The following TANK variants were observed in gnomAD, a reference collection of about 807,000 sequenced individuals.
TANK encodes TRAF family member associated NFKB activator.
In TANK, 15 loss-of-function variants were observed where a neutral mutation model predicts 43.6. The ratio of observed to expected loss-of-function variants is 0.34; its 90% CI spans 0.23 to 0.53. TANK has a LOEUF of 0.53. Ranked by LOEUF, TANK falls within the 20% of genes least tolerant of loss-of-function variation. The probability of loss-of-function intolerance (pLI) is 0.94; values close to 1 mark genes in which losing one functional copy is unlikely to be tolerated. For missense variants in TANK, 417 were observed against 498.6 expected (o/e 0.84, Z 1.56); for synonymous variants, 162 against 178.2 (o/e 0.91, Z 0.73).
chr2:161,138,656 A>G (rs1683656215), intron 1 of TANK, among the ~76,000 whole-genome samples: 1 of 152,206 alleles, frequency 6.6e-6, no homozygotes, highest in African/African-American at 2.4e-5. Context: ...TACCCAGTCT[A>G]ACCTGCCTTC....
intron 4 of TANK, among the ~76,000 whole-genome samples, chr2:161,209,687 A>C (rs1381394088): frequency 2.6e-5 from 4 of 152,142 alleles, no homozygotes; most frequent in African/African-American, 7.2e-5. Context: ...GGTTTGATGC[A>C]AGAAAATATG....
chr2:161,153,070 C>T (rs1684122641), intron 1 of TANK, among the ~76,000 whole-genome samples: 1 of 152,030 alleles, frequency 6.6e-6, no homozygotes, highest in African/African-American at 2.4e-5. Flanking sequence ...ACTATCTTAT[C>T]ACATTCTCTG....
At chr2:161,149,468 G>C (rs1684011325) in intron 1 of TANK, among the ~76,000 whole-genome samples, 1 of 152,038 alleles carries the variant, frequency 6.6e-6, no homozygotes, top group South Asian at 2.1e-4. Context: ...AATTTGGATG[G>C]CTTTTATTTC....
At chr2:161,140,734 G>T (rs1475147199) in intron 1 of TANK, among the ~76,000 whole-genome samples, 2 of 151,700 alleles carry the variant, frequency 1.3e-5, no homozygotes, top group Non-Finnish European at 2.9e-5. Flanking sequence ...CTGATACATT[G>T]CTTTCACATT....
intron 2 of TANK, among the ~76,000 whole-genome samples, chr2:161,184,357 A>C (rs113814801): frequency 1.3e-5 from 2 of 152,306 alleles, no homozygotes; most frequent in South Asian, 4.1e-4. Context: ...ATACTAAGCA[A>C]TGTTCTAAGA....
At chr2:161,163,536 T>G (rs1684537833) in intron 1 of TANK, 1 of 152,222 alleles carries the variant, frequency 6.6e-6, no homozygotes, top group Non-Finnish European at 1.5e-5. Flanking sequence ...AGGGTATTGC[T>G]TCTACATGGG....
At position 161,145,182 on chromosome 2, in the gene TANK, T is replaced by C. The variant is rs1393888623; in HGVS notation, c.-50+8119T>C. Among the ~76,000 whole-genome samples, 4 of 145,490 alleles carry C rather than the reference T, an allele frequency of 2.7e-5. No individual in the cohort carries two copies. In the South Asian group the frequency reaches 6.7e-4, roughly 24 times the overall value. On this transcript the variant is annotated intron_variant, in intron 1 of 7. Transcript: ENST00000259075. ...TTTTGCTTTCCATTTGCTTGGTAAA[T>C]GTTCCTCCATCCCTTTATTTTGAGC...
At chr2:161,160,264 G>T (rs1684345636), upstream of TANK, 4 of 416,694 alleles carry the variant, frequency 9.6e-6, no homozygotes. Context: ...AGGGCTGGGG[G>T]AGGGCGCTAG....
At chr2:161,186,917 T>C (rs1463111796) in intron 2 of TANK, among the ~76,000 whole-genome samples, 3 of 152,198 alleles carry the variant, frequency 2.0e-5, no homozygotes. Flanking sequence ...TTTTAAAAAA[T>C]GCTTACCATA....
intron 4 of TANK, chr2:161,207,914 T>C (rs1686719150): frequency 1.0e-6 from 1 of 977,858 alleles, no homozygotes; most frequent in Non-Finnish European, 1.2e-6. Flanking sequence ...TTTAATATAC[T>C]TTAATGGTCT....
chr2:161,168,221 T>G (rs1238719263), intron 1 of TANK, among the ~76,000 whole-genome samples: 1 of 152,150 alleles, frequency 6.6e-6, no homozygotes, highest in African/African-American at 2.4e-5. Context: ...CTCCTCACAT[T>G]AAAAGTTTTT....
In TANK at chr2:161,235,629, T is replaced by C. The variant is rs553230980; in HGVS notation, c.*111T>C. 16 of 865,044 alleles carry C rather than the reference T, an allele frequency of 1.8e-5. No individual in the cohort carries two copies. The highest frequency in any genetic ancestry group is 2.5e-5 in the Non-Finnish European group (15 of 610,528). The allele number at this position is 865,044 out of a possible 1,614,324, so 53.6% of individuals were successfully genotyped here. A position where few individuals can be genotyped will look rare whatever the true frequency, so the allele number is the denominator to read the frequency against. On this transcript the variant is annotated 3_prime_UTR_variant, in exon 8 of 8. Transcript: ENST00000392749. ...AAGATCATTTATAGGAAAATCTAGT[T>C]TCACAGCTATTTGAATTTTTTTCTG...
chr2:161,188,591 A>G (rs934362769), intron 2 of TANK, among the ~76,000 whole-genome samples: 1 of 152,212 alleles, frequency 6.6e-6, no homozygotes, highest in Admixed American at 6.5e-5. Flanking sequence ...AATTCTGCCA[A>G]ACATTTAAAG....
At chr2:161,140,018 G>A (rs139413725) in intron 1 of TANK, 52 of 788,414 alleles carry the variant, frequency 6.6e-5, no homozygotes, top group Middle Eastern at 1.3e-3. Flanking sequence ...AAACTAGAAG[G>A]TTAGTATTTT....
chr2:161,225,308 G>A (rs1406946831), intron 6 of TANK, among the ~76,000 whole-genome samples: 1 of 151,834 alleles, frequency 6.6e-6, no homozygotes, highest in Non-Finnish European at 1.5e-5. Flanking sequence ...GCCTGATGGT[G>A]CACTACAGCC....
intron 2 of TANK, among the ~76,000 whole-genome samples, chr2:161,180,682 A>G (rs1685378419): frequency 6.6e-6 from 1 of 152,172 alleles, no homozygotes; most frequent in African/African-American, 2.4e-5. Context: ...GTGATTCCCC[A>G]GAAGGATTCA....
At chr2:161,169,292 A>G (rs1684837203) in intron 1 of TANK, among the ~76,000 whole-genome samples, 1 of 152,230 alleles carries the variant, frequency 6.6e-6, no homozygotes, top group South Asian at 2.1e-4. Context: ...GAGGAGTTGT[A>G]TTAGTGATAA....
At chr2:161,232,836 GTAT>G in intron 7 of TANK, 1 of 1,550,356 alleles carries the variant, frequency 6.5e-7, no homozygotes, top group Non-Finnish European at 8.7e-7. Flanking sequence ...TGATGGAAAA[GTAT>G]TCAGCTTAAA....
chr2:161,174,422 CCTTG>C (rs1685089708), intron 1 of TANK, among the ~76,000 whole-genome samples: 1 of 152,088 alleles, frequency 6.6e-6, no homozygotes, highest in Non-Finnish European at 1.5e-5. Flanking sequence ...AAAGTTTACT[CCTTG>C]CTTCTCACCA....
Sources: gnomAD v4.1 joint callset for allele counts (sites outside exome capture counted in the v4.1 genomes callset) on GRCh38, gnomAD v4.1.1 for gene constraint, MANE v1.5 for transcripts, NCBI Gene and HGNC (gene_info 2026-07-23, HGNC 2026-07-21) for gene names.